Variants in MYLK observed in about 807,000 individuals in gnomAD.
MYLK encodes myosin light chain kinase, smooth muscle.
MYLK carries 106 observed loss-of-function variants against 203.4 expected under a neutral mutation model. That is an observed-to-expected ratio of 0.52 (90% CI 0.45 to 0.61). The LOEUF (loss-of-function observed/expected upper bound fraction) is 0.61, where lower values mean the gene tolerates loss of function less well. Among genes scored for constraint, MYLK ranks in the 20% least tolerant of loss-of-function variants. MYLK has a pLI of 0.00. For missense variants in MYLK, 2,072 were observed against 2,442.3 expected (o/e 0.85, Z 3.20); for synonymous variants, 867 against 959.5 (o/e 0.90, Z 1.78).
chr3:123,737,414 C>A lies in MYLK; in HGVS notation c.718G>T (p.Gly240Trp). 6.2e-7 allele frequency: 1 copy of A among 1,614,130 alleles called. No homozygotes were observed. The highest frequency in any genetic ancestry group is 8.5e-7 in the Non-Finnish European group (1 of 1,180,032). The change falls in exon 8 of 34, where the codon GGG becomes TGG. Residue 240 changes from glycine (G) to tryptophan (W), a missense_variant. Physicochemically the swap from Gly to Trp is radical, Grantham distance 184. Transcript: ENST00000360304. ...VYTCLVVNGS[G>W]KASMSAELSI... ...AGTTCAGCTGACATCGAGGCCTTCC[C>A]CGACCCGTTCACCACCAGGCACGTG...
At chr3:123,862,245 C>T (rs2031991207) in intron 2 of MYLK, among the ~76,000 whole-genome samples, 7 of 152,206 alleles carry the variant, frequency 4.6e-5, no homozygotes, top group Admixed American at 3.9e-4. Flanking sequence ...CTGGAGAATC[C>T]TGTGTCCCTG....
intron 4 of MYLK, among the ~76,000 whole-genome samples, chr3:123,789,967 G>T (rs939826077): frequency 6.6e-6 from 1 of 152,136 alleles, no homozygotes; most frequent in African/African-American, 2.4e-5. Context: ...TGCATCTCGC[G>T]AGCTATTTAT....
At position 123,831,881 on chromosome 3, in the gene MYLK, G is replaced by A. The variant is rs140615969; in HGVS notation, c.-126-211C>T. Reference sequence around the variant, plus strand: ...CAATAGTTACAAGGAGAACCAGAACGAGGTACTTTCTTCCCCCACAGAGGA... The same window carrying A: ...CAATAGTTACAAGGAGAACCAGAACAAGGTACTTTCTTCCCCCACAGAGGA... On this transcript the variant is annotated intron_variant, in intron 2 of 33. Coordinates refer to ENST00000360304, the MANE Select transcript of MYLK (RefSeq NM_053025.4). Among the ~76,000 whole-genome samples, 11 of 152,300 alleles carry A rather than the reference G, an allele frequency of 7.2e-5. No homozygotes were observed. The East Asian group carries it at 1.7e-3, about 24-fold the overall frequency.
rs2059667474 is a variant in MYLK, at chr3:123,664,390, G to A, written c.3832-132C>T. ...CTGTGGGGGGGCTCAGTCTGGTCTG[G>A]ACTCTGCCCTTCTCCCTGAGGCCCC... is the stretch of plus-strand genomic sequence containing the variant. On this transcript the variant is annotated intron_variant, in intron 22 of 33. Transcript: ENST00000360304. The A allele has an allele frequency of 3.2e-6, 4 of 1,260,208 alleles. No homozygotes were observed. In the Admixed American group the frequency reaches 7.3e-5, roughly 23 times the overall value. The allele number at this position is 1,260,208 out of a possible 1,614,324, so 78.1% of individuals were successfully genotyped here.
At chr3:123,723,828 C>T (rs1476549338) in intron 12 of MYLK, among the ~76,000 whole-genome samples, 1 of 152,226 alleles carries the variant, frequency 6.6e-6, no homozygotes, top group African/African-American at 2.4e-5. Flanking sequence ...AGACAGCAAG[C>T]TATGGCTCCT....
At chr3:123,647,565 G>C (rs1180748394) in intron 26 of MYLK, 138 bp from the exon 27 acceptor site, 1 of 757,426 alleles carries the variant, frequency 1.3e-6, no homozygotes, top group African/African-American at 1.7e-5. Flanking sequence ...GCACAGCCCT[G>C]CCTGGCTGTT....
At chr3:123,652,358 G>A (rs1350821034) in intron 24 of MYLK, among the ~76,000 whole-genome samples, 1 of 152,200 alleles carries the variant, frequency 6.6e-6, no homozygotes, top group African/African-American at 2.4e-5. Context: ...AGGCTATTTG[G>A]AAGATGGTTC....
intron 11 of MYLK, among the ~76,000 whole-genome samples, chr3:123,726,693 T>C (rs1307639155): frequency 6.6e-6 from 1 of 152,184 alleles, no homozygotes; most frequent in African/African-American, 2.4e-5. Flanking sequence ...TATGCAGTAA[T>C]GATGCCCTTG....
intron 3 of MYLK, among the ~76,000 whole-genome samples, chr3:123,813,443 C>T (rs912042553): frequency 6.6e-6 from 1 of 151,990 alleles, no homozygotes; most frequent in Non-Finnish European, 1.5e-5. Flanking sequence ...TCATCTACAA[C>T]ACCTGGGCCA....
chr3:123,631,419 A>G (rs1000420343), intron 29 of MYLK, among the ~76,000 whole-genome samples: 3 of 149,420 alleles, frequency 2.0e-5, no homozygotes, highest in Non-Finnish European at 4.4e-5. Flanking sequence ...AAAAAGAGAG[A>G]TGGGTCTGGG....
At chr3:123,866,052 G>A (rs2032305965) in intron 2 of MYLK, among the ~76,000 whole-genome samples, 1 of 152,188 alleles carries the variant, frequency 6.6e-6, no homozygotes. Context: ...GGTAAGTGAA[G>A]AAGCCTCCAA....
chr3:123,654,354 C>T (rs1001863900), intron 24 of MYLK, among the ~76,000 whole-genome samples: 2 of 151,038 alleles, frequency 1.3e-5, no homozygotes, highest in Non-Finnish European at 3.0e-5. Flanking sequence ...ATTTTTTTTT[C>T]AAAACTAAAC....
chr3:123,674,341 C>T (rs1353073034), intron 20 of MYLK, among the ~76,000 whole-genome samples: 2 of 152,180 alleles, frequency 1.3e-5, no homozygotes, highest in Admixed American at 1.3e-4. Context: ...CCCTGTCCCC[C>T]GTCACATTTG....
At chr3:123,808,278 C>A (rs2065440282) in intron 3 of MYLK, among the ~76,000 whole-genome samples, 1 of 152,108 alleles carries the variant, frequency 6.6e-6, no homozygotes, top group Non-Finnish European at 1.5e-5. Context: ...AACCTTAGGT[C>A]CTTTGAGGAT....
chr3:123,779,120 AAC>A (rs2064191425), intron 4 of MYLK, among the ~76,000 whole-genome samples: 2 of 152,148 alleles, frequency 1.3e-5, no homozygotes, highest in African/African-American at 4.8e-5. Context: ...CTGCTCCAGA[AAC>A]AGTCTTTCCC....
intron 19 of MYLK, among the ~76,000 whole-genome samples, chr3:123,684,656 C>G (rs890179810): frequency 6.6e-6 from 1 of 152,176 alleles, no homozygotes; most frequent in African/African-American, 2.4e-5. Context: ...AAGTGATTCT[C>G]ATGCCTCAGC....
At chr3:123,801,702 G>A (rs1166768119) in intron 3 of MYLK, among the ~76,000 whole-genome samples, 9 of 152,146 alleles carry the variant, frequency 5.9e-5, no homozygotes, top group African/African-American at 2.2e-4. Context: ...TTCTGTGTTA[G>A]TTTGCTTAGG....
chr3:123,825,007 T>C (rs2066063995), intron 3 of MYLK, among the ~76,000 whole-genome samples: 1 of 151,922 alleles, frequency 6.6e-6, no homozygotes, highest in South Asian at 2.1e-4. Flanking sequence ...AAGCTGGATA[T>C]GGTGGTGTGT....
At chr3:123,843,910 C>G (rs999792408) in intron 2 of MYLK, among the ~76,000 whole-genome samples, 1 of 152,152 alleles carries the variant, frequency 6.6e-6, no homozygotes, top group African/African-American at 2.4e-5. Flanking sequence ...GGGCTTATCC[C>G]TTCAAATATG....
Sources: gnomAD v4.1 joint callset for allele counts (sites outside exome capture counted in the v4.1 genomes callset) on GRCh38, gnomAD v4.1.1 for gene constraint, MANE v1.5 for transcripts, NCBI Gene and HGNC (gene_info 2026-07-23, HGNC 2026-07-21) for gene names.